FAM169A: variants seen among roughly 807,000 people sequenced by gnomAD.
The protein encoded by FAM169A is soluble lamin-associated protein of 75 kDa.
Under a neutral mutation model 75.7 loss-of-function variants are expected in FAM169A, and 24 were observed. The observed-to-expected ratio is 0.32, with a 90% CI of 0.23 to 0.45. FAM169A has a LOEUF of 0.45. FAM169A is among the 20% of genes least tolerant of loss of function. The pLI, the probability that FAM169A is intolerant of heterozygous loss-of-function variation, is 1.00. For missense variants in FAM169A, 673 were observed against 784.0 expected, an observed-to-expected ratio of 0.86 and a Z score of 1.69; for synonymous variants, 271 against 271.0, an observed-to-expected ratio of 1.00 and a Z score of 0.00.
At chr5:74,852,491 A>C (rs1749494201) in intron 1 of FAM169A, among the ~76,000 whole-genome samples, 1 of 152,232 alleles carries the variant, frequency 6.6e-6, no homozygotes, top group African/African-American at 2.4e-5. Context: ...GACTGAATAA[A>C]AGTTTGTATA....
At chr5:74,799,925 G>A (rs1746475112) in intron 10 of FAM169A, 5 of 856,394 alleles carry the variant, frequency 5.8e-6, no homozygotes, top group South Asian at 1.3e-5. Flanking sequence ...AGAGGGCCAC[G>A]ACTGAGGGCT....
intron 6 of FAM169A, among the ~76,000 whole-genome samples, chr5:74,812,532 A>C (rs1447081515): frequency 6.6e-6 from 1 of 151,880 alleles, no homozygotes; most frequent in African/African-American, 2.4e-5. Flanking sequence ...CTCCCACCTC[A>C]GCCTTTGGAG....
At chr5:74,815,822 T>C (rs1289303120) in intron 5 of FAM169A, among the ~76,000 whole-genome samples, 1 of 152,096 alleles carries the variant, frequency 6.6e-6, no homozygotes, top group East Asian at 1.9e-4. Context: ...ACAATCCCAT[T>C]AGCACCGTGA....
intron 1 of FAM169A, among the ~76,000 whole-genome samples, chr5:74,858,796 T>C (rs1438212559): frequency 6.6e-6 from 1 of 152,220 alleles, no homozygotes; most frequent in Non-Finnish European, 1.5e-5. Context: ...AATTTAGCTA[T>C]ATTTTCCACT....
chr5:74,782,110 G>T, intron 12 of FAM169A, 102 bp from the exon 13 acceptor site: 1 of 854,548 alleles, frequency 1.2e-6, no homozygotes, highest in Non-Finnish European at 1.8e-6. Context: ...AATTTAATTC[G>T]GTATTCATTA....
At chr5:74,842,146 G>A (rs1260498608) in intron 1 of FAM169A, among the ~76,000 whole-genome samples, 3 of 150,590 alleles carry the variant, frequency 2.0e-5, no homozygotes, top group African/African-American at 7.4e-5. Context: ...ATCACTGCGG[G>A]CACAGTGGCT....
At chr5:74,783,423 A>G (rs1471167409) in intron 11 of FAM169A, among the ~76,000 whole-genome samples, 1 of 152,220 alleles carries the variant, frequency 6.6e-6, no homozygotes, top group Admixed American at 6.5e-5. Flanking sequence ...AGATTCAATG[A>G]AAAGACCCTA....
chr5:74,808,242 T>C (rs1005969471), intron 6 of FAM169A, among the ~76,000 whole-genome samples: 12 of 152,276 alleles, frequency 7.9e-5, no homozygotes, highest in African/African-American at 2.6e-4. Context: ...AATAGATGAA[T>C]GGCAAAACAA....
At chr5:74,838,142 T>A (rs928336029) in intron 4 of FAM169A, among the ~76,000 whole-genome samples, 1 of 150,178 alleles carries the variant, frequency 6.7e-6, no homozygotes, top group Non-Finnish European at 1.5e-5. Flanking sequence ...AAAAAATTCA[T>A]GATCCTCATT....
intron 11 of FAM169A, among the ~76,000 whole-genome samples, chr5:74,784,600 C>T (rs1462052286): frequency 1.0e-5 from 1 of 99,792 alleles, no homozygotes; most frequent in Non-Finnish European, 1.8e-5. Context: ...GGGTAATCAA[C>T]CCAGGCTAAA....
rs11958273 is a variant in FAM169A, at chr5:74,844,824, T to C, written c.-3-3145A>G. On this transcript the variant is annotated intron_variant, in intron 1 of 12. Transcript: ENST00000687041. Reference sequence around the variant, plus strand: ...AGAGTGAGACTCCGTCTCAAAAAAATAAAAACAAAAAATAAACTTATGATC... The same window carrying C: ...AGAGTGAGACTCCGTCTCAAAAAAACAAAAACAAAAAATAAACTTATGATC... 1.5e-3 allele frequency among the ~76,000 whole-genome samples: 223 copies of C among 151,984 alleles called. 1 individual carries two copies. Among genetic ancestry groups the C allele is most frequent in the African/African-American group, 5.2e-3 (217 of 41,464 alleles).
At chr5:74,823,522 A>G (rs1233036248) in intron 5 of FAM169A, among the ~76,000 whole-genome samples, 1 of 152,232 alleles carries the variant, frequency 6.6e-6, no homozygotes, top group Non-Finnish European at 1.5e-5. Flanking sequence ...AATACAGCTT[A>G]TCGACTATGA....
At position 74,834,406 on chromosome 5, in the gene FAM169A, A is replaced by G. The variant is rs1580142384; in HGVS notation, c.490+20T>C. 7 of 1,410,888 alleles carry G rather than the reference A, an allele frequency of 5.0e-6. No individual in the cohort carries two copies. Among genetic ancestry groups the G allele is most frequent in the Non-Finnish European group, 6.5e-6 (7 of 1,069,742 alleles). The allele number at this position is 1,410,888 out of a possible 1,614,324, so 87.4% of individuals were successfully genotyped here. On this transcript the variant is annotated intron_variant, in intron 5 of 12. Transcript: ENST00000687041. ...AGAGATTTCCATAATACACAGTTTA[A>G]ATAACTTTTAAAGACTCACCTGTAG...
intron 11 of FAM169A, among the ~76,000 whole-genome samples, chr5:74,788,860 G>A (rs980445605): frequency 1.3e-5 from 2 of 152,182 alleles, no homozygotes; most frequent in African/African-American, 2.4e-5. Context: ...TGCAGAAGAC[G>A]GATCTTGGAG....
rs56815603 is a variant in FAM169A, at chr5:74,819,993, CT to C, written c.491-5975del. ...GTATTTTTAAAAACTGAATTGTATC[CT>C]TTTTTTTTTTTTTTTTTTTGAGGCA... On this transcript the variant is annotated intron_variant, in intron 5 of 12. Transcript: ENST00000687041. 3.0e-3 allele frequency among the ~76,000 whole-genome samples: 363 copies of C among 119,074 alleles called. 1 individual carries two copies. The highest frequency in any genetic ancestry group is 8.3e-3 in the African/African-American group (254 of 30,578). 78.1% of individuals were successfully genotyped at this position (119,074 alleles called of 152,430 possible). A position where few individuals can be genotyped will look rare whatever the true frequency, so the allele number is the denominator to read the frequency against.
At chr5:74,855,959 T>C in intron 1 of FAM169A, among the ~76,000 whole-genome samples, 2 of 152,238 alleles carry the variant, frequency 1.3e-5, no homozygotes, top group South Asian at 2.1e-4. Context: ...GGTTTTTGTA[T>C]ATGGCAAGAG....
At chr5:74,857,551 C>G (rs1749775442) in intron 1 of FAM169A, among the ~76,000 whole-genome samples, 1 of 114,936 alleles carries the variant, frequency 8.7e-6, no homozygotes, top group South Asian at 2.9e-4. Flanking sequence ...GTCTGGGTGA[C>G]AGAGCCAGAC....
intron 8 of FAM169A, 53 bp from the exon 9 acceptor site, chr5:74,801,682 T>C (rs1388515904): frequency 1.5e-6 from 2 of 1,327,616 alleles, no homozygotes; most frequent in Non-Finnish European, 2.1e-6. Flanking sequence ...TTTCTCCCTA[T>C]GGATCTATTT....
chr5:74,821,544 A>T (rs1320310279), intron 5 of FAM169A, among the ~76,000 whole-genome samples: 1 of 152,224 alleles, frequency 6.6e-6, no homozygotes, highest in Admixed American at 6.5e-5. Context: ...AGAAATTCAG[A>T]TTATCCTCAG....
Sources: allele counts gnomAD v4.1 joint callset (sites outside exome capture counted in the v4.1 genomes callset), GRCh38; gene constraint gnomAD v4.1.1; transcripts MANE v1.5; gene names NCBI Gene and HGNC (gene_info 2026-07-23, HGNC 2026-07-21).